CSRNP3: variants seen among roughly 807,000 people sequenced by gnomAD.
CSRNP3 encodes the protein cysteine and serine rich nuclear protein 3, also known as cysteine/serine-rich nuclear protein 3.
CSRNP3 carries 12 observed loss-of-function variants against 48.0 expected under a neutral mutation model. That is an observed-to-expected ratio of 0.25 (90% CI 0.16 to 0.41). The LOEUF (loss-of-function observed/expected upper bound fraction) is 0.41, where lower values mean the gene tolerates loss of function less well. Ranked by LOEUF, CSRNP3 falls within the 10% of genes least tolerant of loss-of-function variation. CSRNP3 has a pLI of 1.00. For synonymous variants in CSRNP3, 263 were observed against 269.7 expected (o/e 0.98, Z 0.24); for missense variants, 580 against 724.4 (o/e 0.80, Z 2.29).
At chr2:165,515,055 C>T (rs988258767) in intron 2 of CSRNP3, among the ~76,000 whole-genome samples, 1 of 152,114 alleles carries the variant, frequency 6.6e-6, no homozygotes, top group Non-Finnish European at 1.5e-5. Flanking sequence ...CGCTGTGGCT[C>T]ACGCCTGTAA....
intron 3 of CSRNP3, among the ~76,000 whole-genome samples, chr2:165,542,008 G>A (rs1199917319): frequency 6.6e-6 from 1 of 152,216 alleles, no homozygotes; most frequent in Middle Eastern, 3.4e-3. Flanking sequence ...GTTCACCACA[G>A]CACTGTCCAT....
rs1365142811 is a variant in CSRNP3, at chr2:165,684,863, C to G, written c.*5110C>G. ...TTATGAAAAAAAAAGCTCAGCAGAG[C>G]TAAGCCAGATCTTATTACATCATAA... On this transcript the variant is annotated 3_prime_UTR_variant, in exon 7 of 7. Transcript: ENST00000651982. 1 of 151,948 alleles carries G rather than the reference C, an allele frequency of 6.6e-6. No homozygotes were observed. The highest frequency in any genetic ancestry group is 6.6e-5 in the Admixed American group (1 of 15,208). 9.4% of individuals were successfully genotyped at this position (151,948 alleles called of 1,614,324 possible). A position where few individuals can be genotyped will look rare whatever the true frequency, so the allele number is the denominator to read the frequency against.
chr2:165,620,087 T>C (rs1004287528), intron 4 of CSRNP3, among the ~76,000 whole-genome samples: 2 of 152,176 alleles, frequency 1.3e-5, no homozygotes, highest in African/African-American at 4.8e-5. Context: ...AAGTCAGTTT[T>C]CTAGTTAAAA....
chr2:165,689,078 C>T lies in CSRNP3; in HGVS notation c.*9325C>T. 1 of 152,008 alleles carries T rather than the reference C, an allele frequency of 6.6e-6. No homozygotes were observed. The highest frequency in any genetic ancestry group is 1.9e-4 in the East Asian group (1 of 5,190). The allele number at this position is 152,008 out of a possible 1,614,324, so 9.4% of individuals were successfully genotyped here. A position where few individuals can be genotyped will look rare whatever the true frequency, so the allele number is the denominator to read the frequency against. ...GATTTCTCTTGTGTATAAGTTATAACATCAAAAATGCCAAAGGGTATATAA... is the reference window on the plus strand; with the variant it reads ...GATTTCTCTTGTGTATAAGTTATAATATCAAAAATGCCAAAGGGTATATAA... On this transcript the variant is annotated 3_prime_UTR_variant, in exon 7 of 7. Coordinates refer to ENST00000651982, the MANE Select transcript of CSRNP3 (RefSeq NM_001172173.2).
At chr2:165,640,333 C>T (rs1686703877) in intron 4 of CSRNP3, among the ~76,000 whole-genome samples, 1 of 152,076 alleles carries the variant, frequency 6.6e-6, no homozygotes, top group Non-Finnish European at 1.5e-5. Flanking sequence ...CCTAGCTCAC[C>T]CAGCAAGTAA....
intron 3 of CSRNP3, among the ~76,000 whole-genome samples, chr2:165,526,759 A>G (rs1265770053): frequency 6.6e-6 from 1 of 152,196 alleles, no homozygotes; most frequent in Non-Finnish European, 1.5e-5. Flanking sequence ...AATGTAGGCT[A>G]TCATAAATAC....
At chr2:165,545,573 G>A (rs1685013861) in intron 3 of CSRNP3, among the ~76,000 whole-genome samples, 1 of 151,962 alleles carries the variant, frequency 6.6e-6, no homozygotes, top group African/African-American at 2.4e-5. Context: ...TATGTAGAGA[G>A]GTATCTGGGT....
chr2:165,651,440 T>A (rs1686901550), intron 4 of CSRNP3, among the ~76,000 whole-genome samples: 5 of 152,178 alleles, frequency 3.3e-5, no homozygotes, highest in Non-Finnish European at 4.4e-5. Context: ...GATCAGAATA[T>A]TCAGAATATT....
intron 3 of CSRNP3, among the ~76,000 whole-genome samples, chr2:165,530,155 G>A (rs1432633126): frequency 1.3e-5 from 2 of 152,072 alleles, no homozygotes; most frequent in Non-Finnish European, 2.9e-5. Flanking sequence ...TGAAGGTAAA[G>A]TATGTTTGGT....
intron 3 of CSRNP3, among the ~76,000 whole-genome samples, chr2:165,588,218 A>C (rs1685661960): frequency 6.6e-6 from 1 of 152,230 alleles, no homozygotes; most frequent in Non-Finnish European, 1.5e-5. Flanking sequence ...GAGTAACTGC[A>C]AGATTATTAG....
rs543983217 is a variant in CSRNP3 at position 165,520,071 on chromosome 2, G to T, written c.-24+2110G>T. Among the ~76,000 whole-genome samples the T allele has an allele frequency of 2.7e-5, 4 of 147,538 alleles. No homozygotes were observed. In the South Asian group the frequency reaches 8.8e-4, roughly 33 times the overall value. On this transcript the variant is annotated intron_variant, in intron 3 of 6. Transcript: ENST00000651982. The stretch of plus-strand genomic sequence containing the variant: ...AGTTTCAATTTCACCAGAAAGAAAA[G>T]ATATTATTTTTTAGAAATGATGATA...
At chr2:165,665,745 C>A (rs560128318) in intron 5 of CSRNP3, among the ~76,000 whole-genome samples, 2 of 135,090 alleles carry the variant, frequency 1.5e-5, no homozygotes, top group South Asian at 2.4e-4. Context: ...GGGTCCCAGG[C>A]GACAGAGTGA....
At chr2:165,672,021 C>T (rs1687339927) in intron 5 of CSRNP3, among the ~76,000 whole-genome samples, 1 of 152,168 alleles carries the variant, frequency 6.6e-6, no homozygotes, top group Non-Finnish European at 1.5e-5. Flanking sequence ...CTTGATTGTC[C>T]ATATCACTAT....
chr2:165,477,584 G>A (rs1426633153), intron 1 of CSRNP3, among the ~76,000 whole-genome samples: 2 of 149,146 alleles, frequency 1.3e-5, no homozygotes, highest in Non-Finnish European at 3.0e-5. Flanking sequence ...CAGGGGAATC[G>A]CTTGAACCCG....
At chr2:165,480,089 G>A (rs938020755) in intron 1 of CSRNP3, among the ~76,000 whole-genome samples, 6 of 152,052 alleles carry the variant, frequency 3.9e-5, no homozygotes, top group Non-Finnish European at 8.8e-5. Context: ...CCTGTCAGCC[G>A]GCTGAAGGCT....
In CSRNP3 at chr2:165,527,239, T is replaced by G. The variant is rs531974324; in HGVS notation, c.-24+9278T>G. Among the ~76,000 whole-genome samples, 4 of 140,802 alleles carry G rather than the reference T, an allele frequency of 2.8e-5. No individual in the cohort carries two copies. In the South Asian group the frequency reaches 9.2e-4, roughly 32 times the overall value. 92.4% of individuals were successfully genotyped at this position (140,802 alleles called of 152,430 possible). On this transcript the variant is annotated intron_variant, in intron 3 of 6. Transcript: ENST00000651982. ...TTTTTTTTTTTGAGACAGAGGCTCA[T>G]TCTGTTGCCCTGGCTGGAGTGCAGT...
At chr2:165,473,440 G>T (rs865816131) in intron 1 of CSRNP3, among the ~76,000 whole-genome samples, 1 of 152,052 alleles carries the variant, frequency 6.6e-6, no homozygotes, top group Non-Finnish European at 1.5e-5. Flanking sequence ...GAAAGCTTGG[G>T]TCAGATTTAA....
intron 4 of CSRNP3, among the ~76,000 whole-genome samples, chr2:165,645,918 G>A (rs574297763): frequency 6.7e-6 from 1 of 148,752 alleles, no homozygotes; most frequent in African/African-American, 2.5e-5. Flanking sequence ...GTTTTGTTTT[G>A]TTTTTTTGGA....
At position 165,515,094 on chromosome 2, in the gene CSRNP3, C is replaced by T. The variant is rs1171991288; in HGVS notation, c.-112-2779C>T. On this transcript the variant is annotated intron_variant, in intron 2 of 6. Transcript: ENST00000651982. The stretch of plus-strand genomic sequence containing the variant: ...CAGCGCTTTGGGAGGCTGAGACGGG[C>T]GGATCATGAGGTCAGGAGTTTGAGA... Among the ~76,000 whole-genome samples, 10 of 151,842 alleles carry T rather than the reference C, an allele frequency of 6.6e-5. 1 individual carries two copies. The highest frequency in any genetic ancestry group is 4.2e-4 in the South Asian group (2 of 4,794).
Sources: gnomAD v4.1 joint callset for allele counts (sites outside exome capture counted in the v4.1 genomes callset) on GRCh38, gnomAD v4.1.1 for gene constraint, MANE v1.5 for transcripts, NCBI Gene and HGNC (gene_info 2026-07-23, HGNC 2026-07-21) for gene names.